The following SLC10A2 variants were observed in gnomAD, a reference collection of about 807,000 sequenced individuals.
SLC10A2 encodes ileal sodium/bile acid cotransporter.
In SLC10A2, 34 loss-of-function variants were observed where a neutral mutation model predicts 27.1. The ratio of observed to expected loss-of-function variants is 1.26; its 90% CI spans 0.96 to 1.67. SLC10A2 has a LOEUF of 1.67. Ranked by LOEUF, SLC10A2 falls within the 40% of genes most tolerant of loss-of-function variation. The pLI is 0.00. For synonymous variants in SLC10A2, 205 were observed against 174.0 expected, an observed-to-expected ratio of 1.18 and a Z score of -1.40; for missense variants, 530 against 444.4, an observed-to-expected ratio of 1.19 and a Z score of -1.73.
At chr13:103,057,962 T>C (rs767583110) in intron 2 of SLC10A2, among the ~76,000 whole-genome samples, 23 of 152,028 alleles carry the variant, frequency 1.5e-4, no homozygotes, top group Non-Finnish European at 2.2e-4. Context: ...GGTTAAGGAA[T>C]AGGTGCAAGC....
At chr13:103,054,303 G>C (rs1481914195) in intron 2 of SLC10A2, among the ~76,000 whole-genome samples, 1 of 152,064 alleles carries the variant, frequency 6.6e-6, no homozygotes, top group Non-Finnish European at 1.5e-5. Context: ...CATGCTTCCT[G>C]TACAGTCTGT....
intron 1 of SLC10A2, among the ~76,000 whole-genome samples, chr13:103,060,381 A>ATTTT (rs33930404): frequency 7.6e-6 from 1 of 131,550 alleles, no homozygotes; most frequent in African/African-American, 3.0e-5. Context: ...TGCTACTACC[A>ATTTT]TTTTTTTTTT....
At position 103,066,303 on chromosome 13, in the gene SLC10A2, C is replaced by G; in HGVS notation, c.-54G>C. The G allele has an allele frequency of 5.2e-6, 8 of 1,530,538 alleles. No homozygotes were observed. The highest frequency in any genetic ancestry group is 7.0e-6 in the Non-Finnish European group (8 of 1,141,852). The allele number at this position is 1,530,538 out of a possible 1,614,324, so 94.8% of individuals were successfully genotyped here. Reference sequence around the variant, plus strand: ...TCCACAGAAGCGCTGGTCCCTGGGCCCTGGCTCTGCTGCTGGTTGAGTTAA... The same window carrying G: ...TCCACAGAAGCGCTGGTCCCTGGGCGCTGGCTCTGCTGCTGGTTGAGTTAA... On this transcript the variant is annotated 5_prime_UTR_variant, in exon 1 of 6. Coordinates refer to ENST00000245312, the MANE Select transcript of SLC10A2 (RefSeq NM_000452.3).
intron 2 of SLC10A2, among the ~76,000 whole-genome samples, chr13:103,057,779 T>G (rs1252590020): frequency 6.6e-6 from 1 of 151,808 alleles, no homozygotes; most frequent in Admixed American, 6.6e-5. Flanking sequence ...CTAGGGAGGC[T>G]GAGGCAGGAG....
At chr13:103,059,758 T>C (rs1402041986) in intron 1 of SLC10A2, among the ~76,000 whole-genome samples, 1 of 152,084 alleles carries the variant, frequency 6.6e-6, no homozygotes, top group Non-Finnish European at 1.5e-5. Context: ...CATGCTGAGA[T>C]GGAATGGGCC....
chr13:103,057,216 T>A (rs1237880629), intron 2 of SLC10A2, among the ~76,000 whole-genome samples: 2 of 152,192 alleles, frequency 1.3e-5, no homozygotes, highest in African/African-American at 4.8e-5. Context: ...GTTACTGATT[T>A]ACTATTTTGC....
intron 2 of SLC10A2, among the ~76,000 whole-genome samples, chr13:103,053,618 G>A (rs536903882): frequency 6.6e-6 from 1 of 152,276 alleles, no homozygotes; most frequent in East Asian, 1.9e-4. Context: ...ATATTGAACG[G>A]TGAAATTCTG....
At position 103,044,510 on chromosome 13, in the gene SLC10A2, T is replaced by C. The variant is rs1875550145; in HGVS notation, c.*1623A>G. 6.6e-6 allele frequency: 1 copy of C among 152,196 alleles called. No homozygotes were observed. Among genetic ancestry groups the C allele is most frequent in the Non-Finnish European group, 1.5e-5 (1 of 68,030 alleles). The allele number at this position is 152,196 out of a possible 1,614,324, so 9.4% of individuals were successfully genotyped here. Reference sequence around the variant, plus strand: ...AATTATTTAGTCCATTTTGTATTTGTCTAATGATGGAAAAATATGAAGTAC... The same window carrying C: ...AATTATTTAGTCCATTTTGTATTTGCCTAATGATGGAAAAATATGAAGTAC... On this transcript the variant is annotated 3_prime_UTR_variant, in exon 6 of 6. Coordinates refer to ENST00000245312, the MANE Select transcript of SLC10A2 (RefSeq NM_000452.3).
chr13:103,052,652 T>A lies in SLC10A2; in HGVS notation c.553A>T (p.Lys185Ter), dbSNP rs1373197683. ...PVSIGMFVNH[K>*]WPQKAKIILK... is the part of the protein sequence containing the mutation. ...ATGATCTTTGCTTTTTGGGGCCATT[T>A]GTGATTAACAAACATTCCAATGGAA... is the stretch of plus-strand genomic sequence containing the variant. The change falls in exon 3 of 6, where the codon AAA becomes TAA. Residue 185 changes from lysine to a stop codon, truncating the protein, a stop_gained. Transcript: ENST00000245312. LOFTEE classifies it high-confidence loss of function. 3.1e-6 allele frequency: 5 copies of A among 1,612,164 alleles called. No individual in the cohort carries two copies. Among genetic ancestry groups the A allele is most frequent in the Non-Finnish European group, 4.2e-6 (5 of 1,178,374 alleles).
At chr13:103,050,266 C>G (rs1227237560) in intron 4 of SLC10A2, among the ~76,000 whole-genome samples, 1 of 152,128 alleles carries the variant, frequency 6.6e-6, no homozygotes, top group Non-Finnish European at 1.5e-5. Context: ...GGCCTGAGGT[C>G]CCCCGGGCAG....
chr13:103,046,110 C>A lies in SLC10A2; in HGVS notation c.*23G>T. The stretch of plus-strand genomic sequence containing the variant: ...CGGTTTAAGAACGTAATTTGGAACT[C>A]GTCTGTTTTGTCCACTTGATGTCTA... On this transcript the variant is annotated 3_prime_UTR_variant, in exon 6 of 6. Coordinates refer to ENST00000245312, the MANE Select transcript of SLC10A2 (RefSeq NM_000452.3). 2 of 1,612,962 alleles carry A rather than the reference C, an allele frequency of 1.2e-6. No individual in the cohort carries two copies. The highest frequency in any genetic ancestry group is 1.7e-6 in the Non-Finnish European group (2 of 1,179,182).
At chr13:103,048,409 A>G (rs1290841259) in intron 5 of SLC10A2, among the ~76,000 whole-genome samples, 1 of 142,942 alleles carries the variant, frequency 7.0e-6, no homozygotes, top group Non-Finnish European at 1.5e-5. Context: ...AAGAAAAAAA[A>G]AGAAAAGAAA....
At position 103,051,260 on chromosome 13, in the gene SLC10A2, T is replaced by C; in HGVS notation, c.758A>G (p.Tyr253Cys). The C allele has an allele frequency of 6.2e-7, 1 of 1,613,892 alleles. No homozygotes were observed. The highest frequency in any genetic ancestry group is 1.1e-5 in the South Asian group (1 of 91,074). Reference sequence around the variant, plus strand: ...TGTGATTTACTAAATGCCATACCTGTACCAGGGTAGACCAGCAATTCTAGC... The same window carrying C: ...TGTGATTTACTAAATGCCATACCTGCACCAGGGTAGACCAGCAATTCTAGC... ...LLARIAGLPWYRCRTVAFETG... is the reference protein window; with the variant it reads ...LLARIAGLPWCRCRTVAFETG... Residue 253 changes from tyrosine (Y) to cysteine (C), a missense_variant, in exon 4 of 6, where the codon TAC (tyrosine) becomes TGC (cysteine). Transcript: ENST00000245312.
intron 1 of SLC10A2, 139 bp downstream of exon 1, chr13:103,065,734 A>C: frequency 1.1e-6 from 1 of 920,200 alleles, no homozygotes; most frequent in Non-Finnish European, 1.8e-6. Flanking sequence ...AGGCACGGGA[A>C]TGCATTTATT....
intron 2 of SLC10A2, among the ~76,000 whole-genome samples, chr13:103,058,043 G>T (rs905981849): frequency 6.6e-6 from 1 of 152,066 alleles, no homozygotes; most frequent in Non-Finnish European, 1.5e-5. Flanking sequence ...TTTCCCTGGT[G>T]ATTCAAATTG....
At chr13:103,062,526 C>A (rs1417294577) in intron 1 of SLC10A2, among the ~76,000 whole-genome samples, 1 of 152,044 alleles carries the variant, frequency 6.6e-6, no homozygotes. Context: ...TGGAGAGAAA[C>A]AATGTTTGGT....
intron 1 of SLC10A2, 88 bp from the exon 2 acceptor site, chr13:103,058,470 T>G: frequency 1.2e-6 from 1 of 842,180 alleles, no homozygotes; most frequent in Non-Finnish European, 2.0e-6. Context: ...TTAACTTTTA[T>G]TTTAAGTTTA....
chr13:103,064,746 TAA>T (rs5806337), intron 1 of SLC10A2, among the ~76,000 whole-genome samples: 97 of 148,882 alleles, frequency 6.5e-4, no homozygotes, highest in East Asian at 1.6e-3. Flanking sequence ...GGGCTTTCCT[TAA>T]AAAAAAAAAA....
rs1405731347 is a variant in SLC10A2 at position 103,046,962 on chromosome 13, T to C, written c.920-702A>G. On this transcript the variant is annotated intron_variant, in intron 5 of 5. Coordinates refer to ENST00000245312, the MANE Select transcript of SLC10A2 (RefSeq NM_000452.3). The stretch of plus-strand genomic sequence containing the variant: ...TTTGGTTGCAGATTCAAGTCATGTT[T>C]TCCAATTAAGTTTTATCCATAGTTA... Among the ~76,000 whole-genome samples the C allele has an allele frequency of 2.0e-5, 3 of 152,346 alleles. No homozygotes were observed. The East Asian group carries it at 5.8e-4, about 29-fold the overall frequency.
Sources: allele counts gnomAD v4.1 joint callset (sites outside exome capture counted in the v4.1 genomes callset), GRCh38; gene constraint gnomAD v4.1.1; transcripts MANE v1.5; gene names NCBI Gene and HGNC (gene_info 2026-07-23, HGNC 2026-07-21).